The following SPATA16 variants were observed in gnomAD, a reference collection of about 807,000 sequenced individuals.
SPATA16 encodes spermatogenesis-associated protein 16.
In SPATA16, 36 loss-of-function variants were observed where a neutral mutation model predicts 63.3. The ratio of observed to expected loss-of-function variants is 0.57; its 90% CI spans 0.44 to 0.75. SPATA16 has a LOEUF of 0.75. SPATA16 is among the 30% of genes least tolerant of loss of function. The pLI is 0.00. For missense variants in SPATA16, 646 were observed against 679.3 expected, an observed-to-expected ratio of 0.95 and a Z score of 0.54; for synonymous variants, 203 against 216.7, an observed-to-expected ratio of 0.94 and a Z score of 0.56.
intron 2 of SPATA16, among the ~76,000 whole-genome samples, chr3:173,088,590 T>C (rs1433861736): frequency 6.6e-6 from 1 of 152,188 alleles, no homozygotes; most frequent in Non-Finnish European, 1.5e-5. Flanking sequence ...TGTTTAATTT[T>C]TTTGGTTGTT....
chr3:172,912,823 T>C (rs974889442), intron 10 of SPATA16, among the ~76,000 whole-genome samples: 3 of 152,170 alleles, frequency 2.0e-5, no homozygotes, highest in Non-Finnish European at 4.4e-5. Flanking sequence ...TAATTGTAGA[T>C]TTTTGACTGT....
At chr3:172,955,711 G>C (rs1054592938) in intron 6 of SPATA16, among the ~76,000 whole-genome samples, 1 of 152,180 alleles carries the variant, frequency 6.6e-6, no homozygotes, top group African/African-American at 2.4e-5. Flanking sequence ...CATGGAAATA[G>C]TGTAGCTTGA....
rs534952557 is a variant in SPATA16 at position 172,948,477 on chromosome 3, T to C, written c.1081+8200A>G. ...CTCTTTTTTTCTTTTAATTTTCTTA[T>C]TATTTTTTGAGACAGGGTCTTGCTC... On this transcript the variant is annotated intron_variant, in intron 6 of 10. Coordinates refer to ENST00000351008, the MANE Select transcript of SPATA16 (RefSeq NM_031955.6). 3.0e-3 allele frequency among the ~76,000 whole-genome samples: 451 copies of C among 152,262 alleles called. 5 individuals are homozygous for C. The highest frequency in any genetic ancestry group is 0.01 in the African/African-American group (432 of 41,552).
chr3:172,963,495 T>A (rs1415770181), intron 5 of SPATA16, among the ~76,000 whole-genome samples: 1 of 151,902 alleles, frequency 6.6e-6, no homozygotes, highest in Non-Finnish European at 1.5e-5. Context: ...TTGTAGTGTG[T>A]TACTGCTATA....
intron 3 of SPATA16, among the ~76,000 whole-genome samples, chr3:173,046,977 A>G (rs1260974765): frequency 6.6e-6 from 1 of 151,994 alleles, no homozygotes; most frequent in Non-Finnish European, 1.5e-5. Context: ...ATTTTACAAA[A>G]GTTAATTGTA....
At position 172,960,931 on chromosome 3, in the gene SPATA16, TTC is replaced by T. The variant is rs751088339; in HGVS notation, c.934-4109_934-4108del. Reference sequence around the variant, plus strand: ...CTCCCTCCCTCCCTTCCTTCCTTCCTTCTCTTTCTCTCTTCCCCCCTCCCTCT... The same window carrying T: ...CTCCCTCCCTCCCTTCCTTCCTTCCTTCTTTCTCTCTTCCCCCCTCCCTCT... On this transcript the variant is annotated intron_variant, in intron 5 of 10. Transcript: ENST00000351008. Among the ~76,000 whole-genome samples, 16 of 143,500 alleles carry T rather than the reference TTC, an allele frequency of 1.1e-4. 3 individuals are homozygous for T. Among genetic ancestry groups the T allele is most frequent in the Admixed American group, 2.1e-4 (3 of 14,612 alleles). 94.1% of individuals were successfully genotyped at this position (143,500 alleles called of 152,430 possible). A position where few individuals can be genotyped will look rare whatever the true frequency, so the allele number is the denominator to read the frequency against.
chr3:172,931,722 TTC>T (rs1409017102), intron 6 of SPATA16, among the ~76,000 whole-genome samples: 1 of 152,226 alleles, frequency 6.6e-6, no homozygotes, highest in East Asian at 1.9e-4. Flanking sequence ...ATGATTTATT[TTC>T]TGTTACTAAA....
chr3:173,089,721 C>T (rs565725289), intron 2 of SPATA16, among the ~76,000 whole-genome samples: 1 of 152,150 alleles, frequency 6.6e-6, no homozygotes, highest in African/African-American at 2.4e-5. Flanking sequence ...GTGAGAAAAG[C>T]ACTGAATTGG....
chr3:172,925,933 C>T (rs1201857873), intron 6 of SPATA16, among the ~76,000 whole-genome samples: 1 of 152,102 alleles, frequency 6.6e-6, no homozygotes, highest in Non-Finnish European at 1.5e-5. Context: ...TCAAGCGATT[C>T]TCCTGCTTTA....
chr3:173,103,009 G>A (rs1033321323), intron 2 of SPATA16, among the ~76,000 whole-genome samples: 1 of 152,202 alleles, frequency 6.6e-6, no homozygotes, highest in African/African-American at 2.4e-5. Flanking sequence ...CCCCATGCAT[G>A]TCTGAAACCC....
At chr3:172,955,406 A>T (rs187156651) in intron 6 of SPATA16, among the ~76,000 whole-genome samples, 1 of 152,190 alleles carries the variant, frequency 6.6e-6, no homozygotes, top group South Asian at 2.1e-4. Flanking sequence ...TTAAATATCC[A>T]TAAGAATAAT....
chr3:173,139,660 G>A (rs1194704960), intron 1 of SPATA16, among the ~76,000 whole-genome samples: 1 of 152,174 alleles, frequency 6.6e-6, no homozygotes, highest in Non-Finnish European at 1.5e-5. Flanking sequence ...ATTCTATGTA[G>A]AGGAATGTAG....
At chr3:172,995,868 A>G (rs1428892962) in intron 4 of SPATA16, among the ~76,000 whole-genome samples, 1 of 152,138 alleles carries the variant, frequency 6.6e-6, no homozygotes, top group Non-Finnish European at 1.5e-5. Context: ...AACAACTTAC[A>G]TAATTGTAGT....
chr3:173,097,996 G>A (rs765341331), intron 2 of SPATA16, among the ~76,000 whole-genome samples: 2 of 152,088 alleles, frequency 1.3e-5, no homozygotes, highest in Admixed American at 6.6e-5. Flanking sequence ...GTAAAGCCAG[G>A]CACAGTGAAC....
chr3:173,073,313 G>A lies in SPATA16; in HGVS notation c.613-24219C>T, dbSNP rs559359202. On this transcript the variant is annotated intron_variant, in intron 2 of 10. Coordinates refer to ENST00000351008, the MANE Select transcript of SPATA16 (RefSeq NM_031955.6). ...TTGCATAAGTAACGAGGAGCCAAAT[G>A]TTAATGGTCAAGACAATGGGAAAAA... is the stretch of plus-strand genomic sequence containing the variant. Among the ~76,000 whole-genome samples, 72 of 152,360 alleles carry A rather than the reference G, an allele frequency of 4.7e-4. 1 individual carries two copies. The South Asian group carries it at 9.7e-3, about 21-fold the overall frequency.
intron 2 of SPATA16, among the ~76,000 whole-genome samples, chr3:173,089,377 G>A (rs971990309): frequency 6.6e-5 from 10 of 152,176 alleles, no homozygotes; most frequent in African/African-American, 2.2e-4. Flanking sequence ...CTATACAAAT[G>A]TTCTTATCTG....
intron 4 of SPATA16, among the ~76,000 whole-genome samples, chr3:173,008,259 A>G (rs998330924): frequency 1.3e-5 from 2 of 152,104 alleles, no homozygotes; most frequent in Admixed American, 6.6e-5. Flanking sequence ...ATTCATAAGC[A>G]TATTTATTTA....
chr3:173,040,443 C>T (rs1735813427), intron 3 of SPATA16, among the ~76,000 whole-genome samples: 1 of 152,052 alleles, frequency 6.6e-6, no homozygotes, highest in Non-Finnish European at 1.5e-5. Flanking sequence ...TTAGTAGAGT[C>T]TCGTGATTTA....
At chr3:173,099,906 T>C (rs1038180741) in intron 2 of SPATA16, among the ~76,000 whole-genome samples, 1 of 152,208 alleles carries the variant, frequency 6.6e-6, no homozygotes, top group Non-Finnish European at 1.5e-5. Flanking sequence ...TCTTTTCATA[T>C]TTCTCCTTCA....
Sources: gnomAD v4.1 joint callset for allele counts (sites outside exome capture counted in the v4.1 genomes callset) on GRCh38, gnomAD v4.1.1 for gene constraint, MANE v1.5 for transcripts, NCBI Gene and HGNC (gene_info 2026-07-23, HGNC 2026-07-21) for gene names.